The following HSPG2 variants were observed in gnomAD, a reference collection of about 807,000 sequenced individuals.
HSPG2 encodes the protein basement membrane-specific heparan sulfate proteoglycan core protein.
In HSPG2, 278 loss-of-function variants were observed where a neutral mutation model predicts 526.6. That is an observed-to-expected ratio of 0.53 (90% CI 0.48 to 0.58). The LOEUF (loss-of-function observed/expected upper bound fraction) is 0.58, where lower values mean the gene tolerates loss of function less well. Ranked by LOEUF, HSPG2 falls within the 20% of genes least tolerant of loss-of-function variation. The probability of loss-of-function intolerance (pLI) is 0.00; values close to 1 mark genes in which losing one functional copy is unlikely to be tolerated. For synonymous variants in HSPG2, 2,465 were observed against 2,555.4 expected (o/e 0.96, Z 1.07); for missense variants, 5,354 against 6,099.5 (o/e 0.88, Z 4.07).
Position 21,875,987 on chromosome 1 carries a change from C to T in HSPG2, c.3059G>A (p.Gly1020Asp). 1 of 1,614,164 alleles carries T rather than the reference C, an allele frequency of 6.2e-7. No individual in the cohort carries two copies. The highest frequency in any genetic ancestry group is 8.5e-7 in the Non-Finnish European group (1 of 1,180,026). The change falls in exon 24 of 97, where the codon GGC becomes GAC. Residue 1020 changes from glycine to aspartate, a missense_variant. Gly to Asp is a moderately conservative substitution (Grantham distance 94). Transcript: ENST00000374695. ...RFTVTQRSQP[G>D]STPLHGQPLV... ...CGGCTGCCCGTGCAGGGGTGTGGAG[C>T]CCGGCTGGGACCTCTGGGTCACTGT...
chr1:21,828,458 G>A lies in HSPG2; in HGVS notation c.12238-32C>T. 6.2e-7 allele frequency: 1 copy of A among 1,608,298 alleles called. No individual in the cohort carries two copies. Among genetic ancestry groups the A allele is most frequent in the Non-Finnish European group, 8.5e-7 (1 of 1,178,260 alleles). ...GGACAGGGACACCGAGGGACTAAAGGGGCCTGGGAGGCAGAGACCCAGGTG... is the reference window on the plus strand; with the variant it reads ...GGACAGGGACACCGAGGGACTAAAGAGGCCTGGGAGGCAGAGACCCAGGTG... On this transcript the variant is annotated intron_variant, in intron 88 of 96. Transcript: ENST00000374695. The surrounding 1 kb of genome is among the most constrained non-coding windows in gnomAD (Gnocchi z 6.0).
At position 21,862,023 on chromosome 1, in the gene HSPG2, C is replaced by A; in HGVS notation, c.4833G>T (p.Gln1611His). 6.2e-7 allele frequency: 1 copy of A among 1,614,198 alleles called. No individual in the cohort carries two copies. Among genetic ancestry groups the A allele is most frequent in the East Asian group, 2.2e-5 (1 of 44,890 alleles). Residue 1611 changes from glutamine (Q) to histidine (H), a missense_variant, in exon 38 of 97, where the codon CAG (glutamine) becomes CAT (histidine). Physicochemically the swap from Gln to His is conservative, Grantham distance 24. Transcript: ENST00000374695. Reference sequence around the variant, plus strand: ...GGTTGGTCAGTGGGCAGGCACAGGGCTGGCAGTCCTCAGGCGTCCCGGCTG... The same window carrying A: ...GGTTGGTCAGTGGGCAGGCACAGGGATGGCAGTCCTCAGGCGTCCCGGCTG... ...DATAGTPEDC[Q>H]PCACPLTNPE...
chr1:21,878,575 ACCT>A lies in HSPG2; in HGVS notation c.2557_2558+1del. ...CCTGCAGCCCCCAAGGCTCTCCCTC[ACCT>A]CTCACAGCGGCGGCCAGTGTAGCCT... On this transcript the variant is annotated splice_donor_variant and coding_sequence_variant, in exon 19 of 97. Coordinates refer to ENST00000374695, the MANE Select transcript of HSPG2 (RefSeq NM_005529.7). LOFTEE classifies it high-confidence loss of function. 1 of 1,613,798 alleles carries A rather than the reference ACCT, an allele frequency of 6.2e-7. No homozygotes were observed. The highest frequency in any genetic ancestry group is 8.5e-7 in the Non-Finnish European group (1 of 1,179,932).
At position 21,834,748 on chromosome 1, in the gene HSPG2, C is replaced by A; in HGVS notation, c.10651G>T (p.Gly3551Ter). The A allele has an allele frequency of 1.2e-6, 2 of 1,614,204 alleles. No homozygotes were observed. The highest frequency in any genetic ancestry group is 1.7e-6 in the Non-Finnish European group (2 of 1,180,036). The change falls in exon 77 of 97, where the codon GGA becomes TGA. Residue 3551 changes from glycine (G) to a stop codon, truncating the protein, a stop_gained. Coordinates refer to ENST00000374695, the MANE Select transcript of HSPG2 (RefSeq NM_005529.7). LOFTEE classifies it high-confidence loss of function. ...TTGGTGGCAGTGCAGCGATACTGTCCCGCATCAGCCAGCTCTACGTGGGCG... is the reference window on the plus strand; with the variant it reads ...TTGGTGGCAGTGCAGCGATACTGTCACGCATCAGCCAGCTCTACGTGGGCG... The part of the protein sequence containing the change: ...RIAHVELADA[G>*]QYRCTATNAA...
At position 21,823,692 on chromosome 1, in the gene HSPG2, G is replaced by C; in HGVS notation, c.12927C>G (p.Val4309=). ...GGCCGCTGACCAGCTCCTCACCGTC[G>C]ACTTGGATGGAACCTCTGCGGCCCT... is the stretch of plus-strand genomic sequence containing the variant. The part of the protein sequence containing the change: ...LREGRRGSIQ[V]DGEELVSGRS... The change falls in exon 96 of 97, where the codon GTC becomes GTG. Residue 4309 remains valine, a synonymous_variant. Transcript: ENST00000374695. 6.2e-7 allele frequency: 1 copy of C among 1,613,618 alleles called. No individual in the cohort carries two copies. Among genetic ancestry groups the C allele is most frequent in the Non-Finnish European group, 8.5e-7 (1 of 1,179,986 alleles).
chr1:21,832,740 A>G, intron 80 of HSPG2, 134 bp from the exon 81 acceptor site: 1 of 675,266 alleles, frequency 1.5e-6, no homozygotes, highest in East Asian at 2.7e-5. Flanking sequence ...CTCCTCACAC[A>G]GCCAGGGCCT....
chr1:21,861,417 G>A (rs2152731426), intron 39 of HSPG2, among the ~76,000 whole-genome samples: 1 of 152,068 alleles, frequency 6.6e-6, no homozygotes, highest in Middle Eastern at 3.4e-3. Context: ...CAGCACTGAG[G>A]CAGGAGGACT....
At position 21,890,509 on chromosome 1, in the gene HSPG2, A is replaced by G; in HGVS notation, c.355-24T>C. The G allele has an allele frequency of 6.2e-7, 1 of 1,613,446 alleles. No individual in the cohort carries two copies. The highest frequency in any genetic ancestry group is 8.5e-7 in the Non-Finnish European group (1 of 1,179,536). ...AGCTGGGGAGGGACACAGTGCCATC[A>G]GCCCCAGAGGCCTTCACCCCATCCT... On this transcript the variant is annotated intron_variant, in intron 4 of 96. Transcript: ENST00000374695. This position sits in a 1 kb window ranked among gnomAD's most constrained non-coding sequence, Gnocchi z 4.1.
rs1557742709 is a variant in HSPG2 at position 21,864,221 on chromosome 1, CAG to C, written c.4627-10_4627-9del. ...GTAGCCGGGGGCACAGTCCTAGGGG[CAG>C]AGAGGAAGGTTGGCCTCTGTTCCCA... On this transcript the variant is annotated splice_polypyrimidine_tract_variant and intron_variant, in intron 36 of 96. Coordinates refer to ENST00000374695, the MANE Select transcript of HSPG2 (RefSeq NM_005529.7). This position sits in a 1 kb window ranked among gnomAD's most constrained non-coding sequence, Gnocchi z 4.8. 2.6e-6 allele frequency: 4 copies of C among 1,550,170 alleles called. No homozygotes were observed. Among genetic ancestry groups the C allele is most frequent in the South Asian group, 1.2e-5 (1 of 84,016 alleles).
chr1:21,827,179 GC>G (rs1225616726), intron 91 of HSPG2, among the ~76,000 whole-genome samples: 4 of 152,150 alleles, frequency 2.6e-5, no homozygotes, highest in Admixed American at 6.5e-5. Flanking sequence ...CTGCACTCCA[GC>G]CTGGGTGAAA....
chr1:21,851,380 A>G, intron 55 of HSPG2, 166 bp downstream of exon 55: 1 of 898,394 alleles, frequency 1.1e-6, no homozygotes, highest in Non-Finnish European at 1.7e-6. Flanking sequence ...ATTCACACCC[A>G]GGTTAGTCAG....
At chr1:21,923,135 G>T (rs1033765815) in intron 1 of HSPG2, among the ~76,000 whole-genome samples, 3 of 152,154 alleles carry the variant, frequency 2.0e-5, no homozygotes, top group African/African-American at 7.2e-5. Flanking sequence ...AGCCGGGCAC[G>T]GTGGCTCACA....
In HSPG2 at chr1:21,874,990, G is replaced by GA. The variant is rs1557762622; in HGVS notation, c.3314dup (p.Ser1106GlnfsTer36). 6.2e-7 allele frequency: 1 copy of GA among 1,601,200 alleles called. No homozygotes were observed. The highest frequency in any genetic ancestry group is 1.7e-5 in the Admixed American group (1 of 58,332). The stretch of plus-strand genomic sequence containing the variant: ...CCTCGGGCACAGCCACGTCCATGCT[G>GA]ATGCCAGAGACCCTGGGCGTGACAA... On this transcript the variant is annotated frameshift_variant, in exon 26 of 97. Transcript: ENST00000374695. LOFTEE classifies it high-confidence loss of function.
At chr1:21,888,206 C>G in intron 6 of HSPG2, 140 bp from the exon 7 acceptor site, 2 of 1,085,786 alleles carry the variant, frequency 1.8e-6, no homozygotes, top group Non-Finnish European at 2.7e-6. Context: ...CGAGGGCAAG[C>G]AGCACACACT....
chr1:21,874,495 C>A lies in HSPG2; in HGVS notation c.3567G>T (p.Gln1189His). The A allele has an allele frequency of 6.2e-7, 1 of 1,613,202 alleles. No individual in the cohort carries two copies. The highest frequency in any genetic ancestry group is 8.5e-7 in the Non-Finnish European group (1 of 1,179,976). ...QHHTEGPRCE[Q>H]CQPGYYGDAQ... is the part of the protein sequence containing the mutation. ...CGTCCCCGTAGTATCCTGGCTGGCA[C>A]TGCTCACACCGAGGGCCCTCCGTGT... is the stretch of plus-strand genomic sequence containing the variant. The change falls in exon 28 of 97, where the codon CAG (glutamine) becomes CAT (histidine). Residue 1189 changes from glutamine to histidine, a missense_variant. Gln to His is a conservative substitution (Grantham distance 24). Coordinates refer to ENST00000374695, the MANE Select transcript of HSPG2 (RefSeq NM_005529.7).
At chr1:21,900,055 T>C (rs777861540) in intron 1 of HSPG2, among the ~76,000 whole-genome samples, 7 of 152,154 alleles carry the variant, frequency 4.6e-5, no homozygotes, top group Non-Finnish European at 7.4e-5. Flanking sequence ...AGGTCAGAAA[T>C]AGAACCCAGG....
At chr1:21,844,976 G>A (rs191730041) in intron 64 of HSPG2, among the ~76,000 whole-genome samples, 6 of 152,236 alleles carry the variant, frequency 3.9e-5, no homozygotes, top group African/African-American at 1.2e-4. Context: ...CACTGGGCGC[G>A]GTGGCTCACG....
At chr1:21,878,826 C>A (rs1641293033) in intron 18 of HSPG2, among the ~76,000 whole-genome samples, 163 bp from the exon 19 acceptor site, 1 of 152,156 alleles carries the variant, frequency 6.6e-6, no homozygotes. Context: ...TCAGGGGGCC[C>A]ATTATACAGA....
At chr1:21,830,279 A>G (rs937746615) in intron 85 of HSPG2, 188 bp from the exon 86 acceptor site, 1 of 612,716 alleles carries the variant, frequency 1.6e-6, no homozygotes, top group Admixed American at 2.7e-5. Context: ...CACAGGGAGG[A>G]CTGCAGGGGA....
Sources: gnomAD v4.1 joint callset for allele counts (sites outside exome capture counted in the v4.1 genomes callset) on GRCh38, gnomAD v4.1.1 for gene constraint, Gnocchi (gnomAD v3.1) non-coding constraint, MANE v1.5 for transcripts, NCBI Gene and HGNC (gene_info 2026-07-23, HGNC 2026-07-21) for gene names.